DGKH: variants seen among roughly 807,000 people sequenced by gnomAD.
The protein encoded by DGKH is DAG kinase eta.
A neutral mutation model predicts 159.3 loss-of-function variants in DGKH; 90 were observed. The ratio of observed to expected loss-of-function variants is 0.57; its 90% CI spans 0.48 to 0.67. The LOEUF is 0.67. DGKH is among the 30% of genes least tolerant of loss of function. The pLI, the probability that DGKH is intolerant of heterozygous loss-of-function variation, is 0.00. For synonymous variants in DGKH, 536 were observed against 553.8 expected (o/e 0.97, Z 0.45); for missense variants, 1,181 against 1,506.1 (o/e 0.78, Z 3.57).
chr13:42,119,223 A>G (rs1218720621), intron 1 of DGKH, among the ~76,000 whole-genome samples: 4 of 152,214 alleles, frequency 2.6e-5, no homozygotes, highest in Admixed American at 6.5e-5. Context: ...ATCTTGAAAT[A>G]GGACTGTATT....
intron 9 of DGKH, 21 bp downstream of exon 9, chr13:42,166,695 C>A (rs1452594292): frequency 1.3e-6 from 2 of 1,552,068 alleles, no homozygotes; most frequent in East Asian, 2.3e-5. Context: ...ATTGATAAAT[C>A]TTATTTGAAT....
At chr13:42,219,492 A>G (rs1251535901) in intron 27 of DGKH, 143 bp downstream of exon 27, 1 of 1,372,500 alleles carries the variant, frequency 7.3e-7, no homozygotes, top group African/African-American at 1.5e-5. Context: ...AAATGAGAAA[A>G]GGCATTTATG....
intron 3 of DGKH, among the ~76,000 whole-genome samples, chr13:42,137,215 A>G (rs1438862140): frequency 2.0e-5 from 3 of 152,346 alleles, no homozygotes; most frequent in East Asian, 3.9e-4. Context: ...TACAAAGGCA[A>G]TAACTAAAAG....
intron 23 of DGKH, among the ~76,000 whole-genome samples, chr13:42,209,718 C>T (rs1428800567): frequency 1.3e-5 from 2 of 152,154 alleles, no homozygotes; most frequent in Non-Finnish European, 2.9e-5. Flanking sequence ...TTCCTCCTCC[C>T]CCTTCTTCCC....
intron 1 of DGKH, among the ~76,000 whole-genome samples, chr13:42,091,668 C>G (rs919705219): frequency 6.6e-6 from 1 of 152,136 alleles, no homozygotes; most frequent in Non-Finnish European, 1.5e-5. Context: ...TATTTGCAAA[C>G]TGTTCATCTG....
chr13:42,041,228 T>G (rs1377436876), intron 1 of DGKH, among the ~76,000 whole-genome samples: 1 of 152,024 alleles, frequency 6.6e-6, no homozygotes, highest in East Asian at 1.9e-4. Context: ...TTTGAGACCG[T>G]GGAATGTAGG....
chr13:42,245,752 A>AT (rs1016480012), downstream of DGKH, among the ~76,000 whole-genome samples: 1 of 151,826 alleles, frequency 6.6e-6, no homozygotes, highest in African/African-American at 2.4e-5. Flanking sequence ...CACCTGGCTA[A>AT]TTTTTTAATT....
chr13:42,200,983 T>TTTTATTTATTTATTTATTTA (rs149544122), intron 20 of DGKH, among the ~76,000 whole-genome samples: 2 of 150,962 alleles, frequency 1.3e-5, no homozygotes, highest in South Asian at 4.2e-4. Context: ...GCCACATTCT[T>TTTTATTTATTTATTTATTTA]TTTATTTATT....
chr13:42,125,771 T>C (rs9566924), intron 1 of DGKH, among the ~76,000 whole-genome samples: 22,316 of 152,156 alleles, frequency 0.15, 1,713 homozygotes, highest in Non-Finnish European at 0.17. Context: ...AGAAATAGTG[T>C]CATGTAAAAG....
intron 4 of DGKH, 136 bp downstream of exon 4, chr13:42,155,531 A>G: frequency 6.5e-7 from 1 of 1,535,394 alleles, no homozygotes; most frequent in Non-Finnish European, 8.9e-7. Context: ...TGAAATTCTT[A>G]TCTTAAAGCA....
At chr13:42,193,620 C>T (rs1377185068) in intron 16 of DGKH, among the ~76,000 whole-genome samples, 1 of 152,150 alleles carries the variant, frequency 6.6e-6, no homozygotes, top group East Asian at 1.9e-4. Context: ...TGTAATGGAA[C>T]ATCAGTCTTA....
intron 29 of DGKH, among the ~76,000 whole-genome samples, chr13:42,223,151 T>C (rs527486132): frequency 6.6e-5 from 10 of 152,320 alleles, no homozygotes; most frequent in Admixed American, 5.9e-4. Context: ...GAAAGAGTCT[T>C]CTGTAGCACA....
intron 13 of DGKH, among the ~76,000 whole-genome samples, chr13:42,183,392 A>G (rs930641217): frequency 1.3e-5 from 2 of 152,150 alleles, no homozygotes; most frequent in South Asian, 2.1e-4. Flanking sequence ...CAAGAGCACA[A>G]CTCAATGATT....
At chr13:42,100,051 C>A in intron 1 of DGKH, among the ~76,000 whole-genome samples, 1 of 152,196 alleles carries the variant, frequency 6.6e-6, no homozygotes, top group Non-Finnish European at 1.5e-5. Flanking sequence ...TGTGAGGAAC[C>A]AGGCCACACA....
chr13:42,074,648 G>GTCCATCCATCCA lies in DGKH; in HGVS notation c.192+25713_192+25724dup, dbSNP rs10589269. Among the ~76,000 whole-genome samples, 21 of 149,058 alleles carry GTCCATCCATCCA rather than the reference G, an allele frequency of 1.4e-4. No individual in the cohort carries two copies. In the South Asian group the frequency reaches 2.6e-3, roughly 18 times the overall value. On this transcript the variant is annotated intron_variant, in intron 1 of 29. Transcript: ENST00000337343. ...GCCACTGTCTGTATTGTATCTATCCGTCCATCCATCCATCCATCCATCCAT... is the reference window on the plus strand; with the variant it reads ...GCCACTGTCTGTATTGTATCTATCCGTCCATCCATCCATCCATCCATCCATCCATCCATCCAT...
intron 1 of DGKH, among the ~76,000 whole-genome samples, chr13:42,119,497 G>A (rs749745441): frequency 8.5e-5 from 13 of 152,114 alleles, no homozygotes; most frequent in African/African-American, 1.7e-4. Flanking sequence ...TTCTGAACAC[G>A]GTGAGATGGC....
In DGKH at chr13:42,168,371, G is replaced by T. The variant is rs1284945339; in HGVS notation, c.1119-69G>T. On this transcript the variant is annotated intron_variant, in intron 9 of 29. Coordinates refer to ENST00000337343, the MANE Select transcript of DGKH (RefSeq NM_178009.5). ...TAATCTGAATATGAATACTGATACAGAATAACAAAGAATTGAGGAAAGTGA... is the reference window on the plus strand; with the variant it reads ...TAATCTGAATATGAATACTGATACATAATAACAAAGAATTGAGGAAAGTGA... The T allele has an allele frequency of 1.1e-5, 15 of 1,329,174 alleles. No homozygotes were observed. In the Admixed American group the frequency reaches 2.7e-4, roughly 24 times the overall value. 82.3% of individuals were successfully genotyped at this position (1,329,174 alleles called of 1,614,324 possible). A position where few individuals can be genotyped will look rare whatever the true frequency, so the allele number is the denominator to read the frequency against.
chr13:42,168,937 A>T, intron 11 of DGKH, 119 bp downstream of exon 11: 1 of 1,150,892 alleles, frequency 8.7e-7, no homozygotes, highest in Non-Finnish European at 1.2e-6. Flanking sequence ...CCACGAAGGC[A>T]GAGCCTTCCT....
intron 16 of DGKH, among the ~76,000 whole-genome samples, chr13:42,194,465 GTTT>G (rs1477563588): frequency 2.6e-5 from 4 of 152,260 alleles, no homozygotes; most frequent in African/African-American, 7.2e-5. Flanking sequence ...GTTAAATCAT[GTTT>G]CACGTGTTTG....
Sources: gnomAD v4.1 joint callset for allele counts (sites outside exome capture counted in the v4.1 genomes callset) on GRCh38, gnomAD v4.1.1 for gene constraint, MANE v1.5 for transcripts, NCBI Gene and HGNC (gene_info 2026-07-23, HGNC 2026-07-21) for gene names.